Variants in ZNF521 observed in about 807,000 individuals in gnomAD.
ZNF521 encodes LYST-interacting protein 3.
In ZNF521, 14 loss-of-function variants were observed where a neutral mutation model predicts 105.5. That is an observed-to-expected ratio of 0.13 (90% CI 0.09 to 0.21). The LOEUF is 0.21. ZNF521 is among the 10% of genes least tolerant of loss of function. The probability of loss-of-function intolerance (pLI) is 1.00; values close to 1 mark genes in which losing one functional copy is unlikely to be tolerated. For synonymous variants in ZNF521, 635 were observed against 606.0 expected (o/e 1.05, Z -0.70); for missense variants, 1,233 against 1,629.7 (o/e 0.76, Z 4.19).
intron 3 of ZNF521, among the ~76,000 whole-genome samples, chr18:25,289,156 T>G (rs1910870484): frequency 6.6e-6 from 1 of 152,142 alleles, no homozygotes; most frequent in Non-Finnish European, 1.5e-5. Context: ...AATGATGAAA[T>G]TCGGTTGCTA....
At chr18:25,093,586 TTC>T (rs1258742078) in intron 5 of ZNF521, among the ~76,000 whole-genome samples, 1 of 152,218 alleles carries the variant, frequency 6.6e-6, no homozygotes, top group African/African-American at 2.4e-5. Context: ...TTCCTAATCT[TTC>T]TTCCCATACA....
chr18:25,303,483 A>T (rs1911774363), intron 3 of ZNF521, among the ~76,000 whole-genome samples: 2 of 152,052 alleles, frequency 1.3e-5, no homozygotes, highest in Non-Finnish European at 2.9e-5. Flanking sequence ...GTTTTAGTAG[A>T]GACGGGGTTT....
chr18:25,203,638 T>C (rs941770549), intron 4 of ZNF521, among the ~76,000 whole-genome samples: 1 of 152,012 alleles, frequency 6.6e-6, no homozygotes, highest in Non-Finnish European at 1.5e-5. Flanking sequence ...CCAGCCCAGT[T>C]GCTTACAGAT....
At position 25,322,013 on chromosome 18, in the gene ZNF521, A is replaced by G. The variant is rs1912955812; in HGVS notation, c.215T>C (p.Leu72Pro). The G allele has an allele frequency of 6.2e-7, 1 of 1,613,810 alleles. No homozygotes were observed. Among genetic ancestry groups the G allele is most frequent in the Non-Finnish European group, 8.5e-7 (1 of 1,179,828 alleles). Residue 72 changes from leucine (L) to proline (P), a missense_variant, in exon 3 of 8, where the codon CTG (leucine) becomes CCG (proline). By Grantham distance (98) the Leu-to-Pro change is moderately conservative. Coordinates refer to ENST00000361524, the MANE Select transcript of ZNF521 (RefSeq NM_015461.3). ...ITEHKINQCQ[L>P]TDGVDVEDDP... ...AAGTGATAAGTATTGTTTACCTGTCAGTTGACATTGATTAATCTTGTGTTC... is the reference window on the plus strand; with the variant it reads ...AAGTGATAAGTATTGTTTACCTGTCGGTTGACATTGATTAATCTTGTGTTC...
intron 3 of ZNF521, among the ~76,000 whole-genome samples, chr18:25,234,115 G>C (rs980196118): frequency 2.0e-5 from 3 of 152,036 alleles, no homozygotes; most frequent in Non-Finnish European, 4.4e-5. Flanking sequence ...TTATGTGGGG[G>C]GTGAGAATTG....
chr18:25,275,767 T>C (rs933929042), intron 3 of ZNF521, among the ~76,000 whole-genome samples: 8 of 152,144 alleles, frequency 5.3e-5, no homozygotes, highest in South Asian at 2.1e-4. Flanking sequence ...CTGACCAGGA[T>C]TGCCTACGCC....
At position 25,212,378 on chromosome 18, in the gene ZNF521, C is replaced by T. The variant is rs59413834; in HGVS notation, c.3573+11967G>A. On this transcript the variant is annotated intron_variant, in intron 4 of 7. Transcript: ENST00000361524. ...TACAAAAATCAGCTGGGCATGGTGG[C>T]GCACACCTGTAGTCTCAGCTACTTG... is the stretch of plus-strand genomic sequence containing the variant. Among the ~76,000 whole-genome samples, 1,175 of 149,968 alleles carry T rather than the reference C, an allele frequency of 7.8e-3. 12 individuals are homozygous for T. The highest frequency in any genetic ancestry group is 0.027 in the African/African-American group (1,119 of 40,848).
chr18:25,224,571 G>C lies in ZNF521; in HGVS notation c.3347C>G (p.Pro1116Arg), dbSNP rs1905968994. ...CAGATTCTCATTCTGGCCCAAGCCT[G>C]GTCTATTCGTGCCGGGAGGGACGTT... is the stretch of plus-strand genomic sequence containing the variant. Reference protein sequence around the residue: ...GINVPPGTNRPGLGQNENLSA... With the variant: ...GINVPPGTNRRGLGQNENLSA... Residue 1116 changes from proline (P) to arginine (R), a missense_variant, in exon 4 of 8, where the codon CCA (proline) becomes CGA (arginine). This residue lies in a region of ZNF521 where 614 missense variants were observed against 751.5 expected (regional missense o/e 0.82). Transcript: ENST00000361524. The C allele has an allele frequency of 6.2e-7, 1 of 1,614,032 alleles. No homozygotes were observed. Among genetic ancestry groups the C allele is most frequent in the Non-Finnish European group, 8.5e-7 (1 of 1,179,996 alleles).
At chr18:25,311,535 G>C (rs557938011) in intron 3 of ZNF521, among the ~76,000 whole-genome samples, 1 of 152,228 alleles carries the variant, frequency 6.6e-6, no homozygotes, top group Admixed American at 6.5e-5. Flanking sequence ...AATGACTGCA[G>C]AGGGCCTAAG....
intron 2 of ZNF521, among the ~76,000 whole-genome samples, chr18:25,338,688 A>G (rs1446082911): frequency 6.6e-6 from 1 of 152,178 alleles, no homozygotes; most frequent in Non-Finnish European, 1.5e-5. Flanking sequence ...CTAGGATTAC[A>G]GGTGTGAGCC....
chr18:25,206,704 T>G lies in ZNF521; in HGVS notation c.3574-11460A>C, dbSNP rs78632918. Among the ~76,000 whole-genome samples the G allele has an allele frequency of 8.4e-3, 1,274 of 152,296 alleles. 67 individuals carry two copies. In the East Asian group the frequency reaches 0.16, roughly 19 times the overall value. On this transcript the variant is annotated intron_variant, in intron 4 of 7. Coordinates refer to ENST00000361524, the MANE Select transcript of ZNF521 (RefSeq NM_015461.3). ...TTTGTTTCTCTCTTTCTCCATATTC[T>G]TATTCTGGGTTTGCATTTTCTCATC...
chr18:25,278,979 C>T (rs953274448), intron 3 of ZNF521, among the ~76,000 whole-genome samples: 25 of 152,052 alleles, frequency 1.6e-4, no homozygotes, highest in Admixed American at 1.4e-3. Flanking sequence ...GAAAAACTGC[C>T]CAAATTGTGG....
At chr18:25,308,704 T>A (rs1454977533) in intron 3 of ZNF521, among the ~76,000 whole-genome samples, 3 of 138,368 alleles carry the variant, frequency 2.2e-5, no homozygotes, top group Non-Finnish European at 4.6e-5. Context: ...TCTCAGAATA[T>A]GCTGGAACCT....
chr18:25,116,926 T>C (rs1320762843), intron 5 of ZNF521, among the ~76,000 whole-genome samples: 1 of 141,156 alleles, frequency 7.1e-6, no homozygotes, highest in African/African-American at 2.8e-5. Context: ...TATCTATGTA[T>C]ATATATACGT....
intron 5 of ZNF521, among the ~76,000 whole-genome samples, chr18:25,138,020 G>C (rs1467185809): frequency 6.6e-6 from 1 of 152,092 alleles, no homozygotes; most frequent in South Asian, 2.1e-4. Flanking sequence ...CTTAAGTAAG[G>C]ACTTCCACAC....
intron 5 of ZNF521, among the ~76,000 whole-genome samples, chr18:25,144,908 T>G (rs1308438225): frequency 6.6e-6 from 1 of 152,150 alleles, no homozygotes; most frequent in Non-Finnish European, 1.5e-5. Context: ...AGCCCCCATT[T>G]ATATCATACA....
At chr18:25,349,682 GGGGCCACGGGGCGCC>G (rs2145235850) in intron 2 of ZNF521, among the ~76,000 whole-genome samples, 1 of 151,798 alleles carries the variant, frequency 6.6e-6, no homozygotes, top group East Asian at 2.0e-4. Context: ...TGCGGGAACC[GGGGCCACGGGGCGCC>G]GCGGCCCGGC....
rs77538538 is a variant in ZNF521, at chr18:25,138,116, C to T, written c.3659-46035G>A. On this transcript the variant is annotated intron_variant, in intron 5 of 7. Coordinates refer to ENST00000361524, the MANE Select transcript of ZNF521 (RefSeq NM_015461.3). ...AAGGACTTCCTGGGAGACTGAGGAA[C>T]CAGCAAGCCCAACCTTGCCCACATG... Among the ~76,000 whole-genome samples, 871 of 152,222 alleles carry T rather than the reference C, an allele frequency of 5.7e-3. 10 individuals are homozygous for T. Among genetic ancestry groups the T allele is most frequent in the African/African-American group, 0.02 (833 of 41,546 alleles).
intron 5 of ZNF521, among the ~76,000 whole-genome samples, chr18:25,112,070 AC>A (rs1311798396): frequency 6.6e-6 from 1 of 152,184 alleles, no homozygotes; most frequent in Non-Finnish European, 1.5e-5. Flanking sequence ...GTCCTCTGAA[AC>A]AACCAGGCAT....
Sources: gnomAD v4.1 joint callset for allele counts (sites outside exome capture counted in the v4.1 genomes callset) on GRCh38, gnomAD v4.1.1 for gene constraint, gnomAD v4.1.1 regional missense constraint, MANE v1.5 for transcripts, NCBI Gene and HGNC (gene_info 2026-07-23, HGNC 2026-07-21) for gene names.